The following MAF variants were observed in gnomAD, a reference collection of about 807,000 sequenced individuals.
MAF encodes MAF bZIP transcription factor.
MAF carries 10 observed loss-of-function variants against 22.0 expected under a neutral mutation model. The ratio of observed to expected loss-of-function variants is 0.45; its 90% confidence interval spans 0.28 to 0.77. The LOEUF (loss-of-function observed/expected upper bound fraction) is 0.77, where lower values mean the gene tolerates loss of function less well. Among genes scored for constraint, MAF ranks in the 30% least tolerant of loss-of-function variants. The pLI is 0.12. For synonymous variants in MAF, 337 were observed against 255.8 expected, an observed-to-expected ratio of 1.32 and a Z score of -3.03; for missense variants, 544 against 548.4, an observed-to-expected ratio of 0.99 and a Z score of 0.08.
At chr16:79,543,521 C>A in the MAF span, among the ~76,000 whole-genome samples, 4 of 152,298 alleles carry the variant, frequency 2.6e-5, no homozygotes, top group African/African-American at 9.6e-5. Context: ...TTTCCAAAGC[C>A]TTTGCGGGCA....
At chr16:79,497,339 T>G in the MAF span, among the ~76,000 whole-genome samples, 3 of 152,280 alleles carry the variant, frequency 2.0e-5, no homozygotes, top group East Asian at 5.8e-4. Flanking sequence ...CCAGGATGGA[T>G]CAGATGCTGC....
At chr16:79,408,435 C>G in the MAF span, among the ~76,000 whole-genome samples, 1 of 152,114 alleles carries the variant, frequency 6.6e-6, no homozygotes, top group African/African-American at 2.4e-5. Context: ...CTCAGCCTCC[C>G]AAAGCGCTGG....
the MAF span, among the ~76,000 whole-genome samples, chr16:79,511,984 CA>C: frequency 6.6e-6 from 1 of 152,192 alleles, no homozygotes; most frequent in Non-Finnish European, 1.5e-5. Context: ...TCTCAGGGGA[CA>C]GAGTTGAGAA....
chr16:79,413,210 G>GTTGTTTTTTTTTTTT, the MAF span, among the ~76,000 whole-genome samples: 7 of 63,620 alleles, frequency 1.1e-4, 1 homozygote, highest in Non-Finnish European at 1.8e-4. Context: ...GAGCTGTGCA[G>GTTGTTTTTTTTTTTT]TTTTTTTTTT....
At chr16:79,500,556 C>T in the MAF span, among the ~76,000 whole-genome samples, 2 of 152,248 alleles carry the variant, frequency 1.3e-5, no homozygotes, top group East Asian at 1.9e-4. Context: ...TTCTTCACAC[C>T]ACGGTAGAGA....
chr16:79,413,892 C>T, the MAF span, among the ~76,000 whole-genome samples: 1 of 152,150 alleles, frequency 6.6e-6, no homozygotes, highest in African/African-American at 2.4e-5. Context: ...AGGCCACATT[C>T]CCAAATCCAG....
the MAF span, among the ~76,000 whole-genome samples, chr16:79,470,750 A>C: frequency 2.0e-5 from 3 of 152,154 alleles, no homozygotes; most frequent in African/African-American, 7.2e-5. Context: ...GGGGCCATAG[A>C]AGGCACTCCC....
chr16:79,430,056 G>A, the MAF span, among the ~76,000 whole-genome samples: 1 of 152,154 alleles, frequency 6.6e-6, no homozygotes, highest in Non-Finnish European at 1.5e-5. Context: ...TTCCAGGCCA[G>A]GCATCCACCC....
chr16:79,367,667 G>C, the MAF span, among the ~76,000 whole-genome samples: 2 of 152,154 alleles, frequency 1.3e-5, no homozygotes, highest in African/African-American at 4.8e-5. Flanking sequence ...TGGAAAGGTA[G>C]TCAGTGTGGC....
At chr16:79,450,495 A>C in the MAF span, among the ~76,000 whole-genome samples, 4 of 152,196 alleles carry the variant, frequency 2.6e-5, no homozygotes, top group African/African-American at 9.6e-5. Flanking sequence ...AACTGATTCA[A>C]ATAATAAGGA....
the MAF span, among the ~76,000 whole-genome samples, chr16:79,214,671 C>T: frequency 7.5e-6 from 1 of 133,704 alleles, no homozygotes. Context: ...TCCCAAAGTG[C>T]TGGGATTACA....
the MAF span, among the ~76,000 whole-genome samples, chr16:79,461,802 G>C: frequency 6.6e-6 from 1 of 152,156 alleles, no homozygotes; most frequent in African/African-American, 2.4e-5. Context: ...CTATGTAAGC[G>C]AGACCCATCC....
the MAF span, among the ~76,000 whole-genome samples, chr16:79,273,905 G>T: frequency 6.6e-6 from 1 of 150,948 alleles, no homozygotes; most frequent in Admixed American, 6.6e-5. Flanking sequence ...TGCCATAGCT[G>T]GAGGTCTGCA....
the MAF span, among the ~76,000 whole-genome samples, chr16:79,502,861 C>T: frequency 6.7e-6 from 1 of 149,574 alleles, no homozygotes; most frequent in African/African-American, 2.5e-5. Context: ...ATTCTTTACT[C>T]TCTTTAACGT....
the MAF span, chr16:79,212,186 C>A: frequency 6.8e-7 from 1 of 1,469,262 alleles, no homozygotes; most frequent in Non-Finnish European, 8.9e-7. Flanking sequence ...CAGCCGGGGG[C>A]TGGCCTTCTC....
the MAF span, among the ~76,000 whole-genome samples, chr16:79,330,742 C>G: frequency 9.8e-5 from 15 of 152,372 alleles, no homozygotes; most frequent in African/African-American, 3.4e-4. Context: ...ACTTGGAAAT[C>G]TGGCTCAGCT....
At chr16:79,331,248 G>C in the MAF span, among the ~76,000 whole-genome samples, 3 of 152,170 alleles carry the variant, frequency 2.0e-5, no homozygotes, top group African/African-American at 7.2e-5. Context: ...AGACCTTGGA[G>C]TGTGTGTGAC....
At chr16:79,230,354 A>G in the MAF span, among the ~76,000 whole-genome samples, 1 of 152,142 alleles carries the variant, frequency 6.6e-6, no homozygotes, top group South Asian at 2.1e-4. Flanking sequence ...AATAGAGGGA[A>G]CTGAGCAAGA....
the MAF span, among the ~76,000 whole-genome samples, chr16:79,424,036 T>C: frequency 2.0e-5 from 3 of 152,188 alleles, no homozygotes; most frequent in Non-Finnish European, 4.4e-5. Context: ...TTTTCACCCA[T>C]TAAGATTATT....
Sources: allele counts gnomAD v4.1 joint callset (sites outside exome capture counted in the v4.1 genomes callset), GRCh38; gene constraint gnomAD v4.1.1; transcripts MANE v1.5; gene names NCBI Gene and HGNC (gene_info 2026-07-23, HGNC 2026-07-21).